The following KDM4C variants were observed in gnomAD, a reference collection of about 807,000 sequenced individuals.
KDM4C encodes lysine demethylase 4C.
KDM4C carries 81 observed loss-of-function variants against 129.3 expected under a neutral mutation model. The ratio of observed to expected loss-of-function variants is 0.63; its 90% CI spans 0.52 to 0.75. KDM4C has a LOEUF of 0.75. Ranked by LOEUF, KDM4C falls within the 30% of genes least tolerant of loss-of-function variation. The probability of loss-of-function intolerance (pLI) is 0.00; values close to 1 mark genes in which losing one functional copy is unlikely to be tolerated. For synonymous variants in KDM4C, 573 were observed against 456.1 expected (o/e 1.26, Z -3.26); for missense variants, 1,457 against 1,304.0 (o/e 1.12, Z -1.81).
At chr9:7,154,852 G>A (rs1442210941) in intron 19 of KDM4C, among the ~76,000 whole-genome samples, 2 of 152,090 alleles carry the variant, frequency 1.3e-5, no homozygotes, top group Non-Finnish European at 2.9e-5. Flanking sequence ...GATTTCAGGC[G>A]AGTTTACACA....
intron 4 of KDM4C, 82 bp downstream of exon 4, chr9:6,814,827 C>G: frequency 2.5e-6 from 2 of 788,870 alleles, no homozygotes; most frequent in Non-Finnish European, 4.0e-6. Flanking sequence ...TAGAAGTGTT[C>G]TTTTGTTGTG....
intron 5 of KDM4C, among the ~76,000 whole-genome samples, chr9:6,872,092 A>G (rs1842890312): frequency 6.6e-6 from 1 of 152,218 alleles, no homozygotes; most frequent in African/African-American, 2.4e-5. Flanking sequence ...TATGTGAGTG[A>G]TAGAATAATT....
At chr9:6,792,790 G>C (rs573009863) in intron 1 of KDM4C, among the ~76,000 whole-genome samples, 182 bp from the exon 2 acceptor site, 1 of 152,196 alleles carries the variant, frequency 6.6e-6, no homozygotes. Flanking sequence ...GGAATGACTA[G>C]AGGCCCTTGT....
At chr9:6,774,729 T>A (rs1822639211) in intron 1 of KDM4C, among the ~76,000 whole-genome samples, 1 of 152,214 alleles carries the variant, frequency 6.6e-6, no homozygotes, top group Non-Finnish European at 1.5e-5. Flanking sequence ...CTATATTGAT[T>A]GTTTCATCTT....
chr9:7,127,087 A>G (rs527376955), intron 18 of KDM4C, among the ~76,000 whole-genome samples: 1 of 152,232 alleles, frequency 6.6e-6, no homozygotes, highest in South Asian at 2.1e-4. Flanking sequence ...GTGCAGGGAA[A>G]TATGGAAGAC....
At chr9:6,958,709 G>C (rs1202891215) in intron 8 of KDM4C, among the ~76,000 whole-genome samples, 1 of 119,074 alleles carries the variant, frequency 8.4e-6, no homozygotes, top group East Asian at 2.3e-4. Flanking sequence ...TTTTGGGACA[G>C]GGTCTCACTC....
At chr9:7,140,747 T>G (rs1841664719) in intron 19 of KDM4C, among the ~76,000 whole-genome samples, 1 of 152,184 alleles carries the variant, frequency 6.6e-6, no homozygotes, top group Non-Finnish European at 1.5e-5. Flanking sequence ...GCAGTAAAAT[T>G]CGAATGGTTT....
At chr9:6,954,803 T>A (rs937252152) in intron 8 of KDM4C, among the ~76,000 whole-genome samples, 2 of 152,204 alleles carry the variant, frequency 1.3e-5, no homozygotes, top group African/African-American at 4.8e-5. Flanking sequence ...ATGTACCCAC[T>A]CCCTATTTCA....
chr9:6,865,051 C>G (rs919162529), intron 5 of KDM4C, among the ~76,000 whole-genome samples: 2 of 140,158 alleles, frequency 1.4e-5, no homozygotes, highest in East Asian at 3.9e-4. Flanking sequence ...CTCTATTGCC[C>G]AAGCTGGAGT....
intron 8 of KDM4C, 113 bp from the exon 9 acceptor site, chr9:6,980,812 A>C (rs943230793): frequency 2.4e-6 from 2 of 850,836 alleles, no homozygotes; most frequent in African/African-American, 3.4e-5. Context: ...GTAATGCATT[A>C]TCCTCCATTA....
At chr9:7,065,857 G>A (rs78971659) in intron 17 of KDM4C, among the ~76,000 whole-genome samples, 5,227 of 152,210 alleles carry the variant, frequency 0.034, 287 homozygotes, top group African/African-American at 0.12. Flanking sequence ...AGTGTGAAAT[G>A]TAATAAGTCA....
intron 4 of KDM4C, among the ~76,000 whole-genome samples, chr9:6,839,053 T>A (rs1324091551): frequency 2.0e-5 from 3 of 152,244 alleles, no homozygotes; most frequent in Non-Finnish European, 4.4e-5. Context: ...CTTCAAGGGC[T>A]TGTTCCAGCT....
At chr9:6,904,820 A>G (rs1818014207) in intron 8 of KDM4C, among the ~76,000 whole-genome samples, 1 of 152,196 alleles carries the variant, frequency 6.6e-6, no homozygotes, top group African/African-American at 2.4e-5. Flanking sequence ...GGAAGATACG[A>G]GAGGAAAAAG....
intron 18 of KDM4C, among the ~76,000 whole-genome samples, chr9:7,123,637 C>T (rs1453151125): frequency 4.6e-5 from 7 of 152,140 alleles, no homozygotes; most frequent in Non-Finnish European, 1.0e-4. Flanking sequence ...GGCACTGATT[C>T]GTAGAGTTTA....
At chr9:6,797,474 TTG>T (rs1016255113) in intron 2 of KDM4C, among the ~76,000 whole-genome samples, 2 of 152,212 alleles carry the variant, frequency 1.3e-5, no homozygotes, top group African/African-American at 4.8e-5. Context: ...GTTTGACACT[TTG>T]ACTGTCTACA....
chr9:6,750,489 G>T (rs1019109095), intron 1 of KDM4C, among the ~76,000 whole-genome samples: 3 of 151,176 alleles, frequency 2.0e-5, no homozygotes, highest in African/African-American at 7.3e-5. Flanking sequence ...AAGCGAAAGT[G>T]AAGCATAGCT....
intron 17 of KDM4C, among the ~76,000 whole-genome samples, chr9:7,098,692 T>C (rs1329083020): frequency 6.6e-6 from 1 of 152,184 alleles, no homozygotes; most frequent in African/African-American, 2.4e-5. Flanking sequence ...GCTGACTAGA[T>C]AAATTGATTT....
intron 17 of KDM4C, among the ~76,000 whole-genome samples, chr9:7,051,307 C>A (rs1830121919): frequency 6.6e-6 from 1 of 152,098 alleles, no homozygotes; most frequent in Admixed American, 6.6e-5. Context: ...TCTTTTTCAC[C>A]AAGAGTCCTC....
intron 19 of KDM4C, among the ~76,000 whole-genome samples, chr9:7,160,248 T>G (rs765884263): frequency 3.3e-5 from 5 of 152,098 alleles, no homozygotes; most frequent in Non-Finnish European, 7.4e-5. Context: ...TTTTTCAAGG[T>G]TTTTAGCTTC....
Sources: gnomAD v4.1 joint callset for allele counts (sites outside exome capture counted in the v4.1 genomes callset) on GRCh38, gnomAD v4.1.1 for gene constraint, MANE v1.5 for transcripts, NCBI Gene and HGNC (gene_info 2026-07-23, HGNC 2026-07-21) for gene names.